Variants in NOL10 observed in about 807,000 individuals in gnomAD.
NOL10 encodes H_NH0074G24.1.
A neutral mutation model predicts 103.5 loss-of-function variants in NOL10; 58 were observed. That is an observed-to-expected ratio of 0.56 (90% CI 0.45 to 0.70). NOL10 has a LOEUF of 0.70. NOL10 is among the 30% of genes least tolerant of loss of function. NOL10 has a pLI of 0.00. For synonymous variants in NOL10, 287 were observed against 282.5 expected (o/e 1.02, Z -0.16); for missense variants, 763 against 807.3 (o/e 0.95, Z 0.67).
chr2:10,678,052 G>A (rs1681452610), intron 3 of NOL10, among the ~76,000 whole-genome samples: 1 of 151,574 alleles, frequency 6.6e-6, no homozygotes, highest in Non-Finnish European at 1.5e-5. Flanking sequence ...TTGTTTTTGG[G>A]GCTTTAATTT....
At chr2:10,604,010 A>C (rs10191883) in intron 14 of NOL10, among the ~76,000 whole-genome samples, 1 of 152,060 alleles carries the variant, frequency 6.6e-6, no homozygotes, top group Admixed American at 6.5e-5. Context: ...AGGGAGGGAC[A>C]GTTTCAGGAC....
chr2:10,689,392 T>C (rs1391482572), intron 1 of NOL10, among the ~76,000 whole-genome samples: 1 of 152,148 alleles, frequency 6.6e-6, no homozygotes, highest in African/African-American at 2.4e-5. Context: ...CCCTAAGACC[T>C]GGCAAATGAT....
chr2:10,607,267 C>G lies in NOL10; in HGVS notation c.1071G>C (p.Leu357Phe), dbSNP rs138352172. ...CTGGATTCTCTTCTAATTCTTCGGT[C>G]AAGTTGTCTAAGAAGGAACACCACC... is the stretch of plus-strand genomic sequence containing the variant. ...APRWCSFLDN[L>F]TEELEENPES... Residue 357 changes from leucine (L) to phenylalanine (F), a missense_variant, in exon 14 of 21, where the codon TTG (leucine) becomes TTC (phenylalanine). By Grantham distance (22) the Leu-to-Phe change is conservative. Coordinates refer to ENST00000381685, the MANE Select transcript of NOL10 (RefSeq NM_024894.4). 1 of 1,608,964 alleles carries G rather than the reference C, an allele frequency of 6.2e-7. No homozygotes were observed. Among genetic ancestry groups the G allele is most frequent in the Non-Finnish European group, 8.5e-7 (1 of 1,177,518 alleles).
chr2:10,632,839 T>A (rs989278188), intron 13 of NOL10, among the ~76,000 whole-genome samples: 18 of 152,134 alleles, frequency 1.2e-4, no homozygotes, highest in Non-Finnish European at 2.4e-4. Context: ...AAATATTATT[T>A]AAAAAAATAA....
intron 3 of NOL10, among the ~76,000 whole-genome samples, chr2:10,680,336 G>GA (rs1681662378): frequency 8.4e-6 from 1 of 119,208 alleles, no homozygotes; most frequent in Admixed American, 1.1e-4. Flanking sequence ...GGGAGAGGGA[G>GA]AAGAGGGAGA....
intron 13 of NOL10, among the ~76,000 whole-genome samples, chr2:10,622,979 T>C (rs1452671140): frequency 6.6e-6 from 1 of 152,068 alleles, no homozygotes; most frequent in African/African-American, 2.4e-5. Context: ...CCCCCACGAA[T>C]CACCGCACTC....
chr2:10,688,350 T>C (rs557976135), intron 1 of NOL10, among the ~76,000 whole-genome samples: 355 of 152,306 alleles, frequency 2.3e-3, no homozygotes, highest in African/African-American at 8.2e-3. Context: ...GGCCTACCTC[T>C]CCAGCCTCAT....
intron 19 of NOL10, among the ~76,000 whole-genome samples, chr2:10,587,214 T>TAC (rs1280515921): frequency 1.7e-5 from 1 of 57,870 alleles, no homozygotes; most frequent in Non-Finnish European, 3.0e-5. Context: ...CACATATATA[T>TAC]ATACATATAT....
chr2:10,671,867 G>A (rs528305232), intron 5 of NOL10, among the ~76,000 whole-genome samples, 177 bp from the exon 6 acceptor site: 40 of 152,128 alleles, frequency 2.6e-4, no homozygotes, highest in Admixed American at 2.2e-3. Context: ...ACACTCCATC[G>A]GCTCCTTAAT....
intron 1 of NOL10, among the ~76,000 whole-genome samples, chr2:10,688,543 T>G (rs1364038072): frequency 2.0e-5 from 3 of 152,366 alleles, no homozygotes; most frequent in South Asian, 2.1e-4. Context: ...TGCTCATATG[T>G]CACCTCTTGT....
chr2:10,609,552 A>G (rs952730593), intron 13 of NOL10, among the ~76,000 whole-genome samples: 1 of 152,070 alleles, frequency 6.6e-6, no homozygotes, highest in Non-Finnish European at 1.5e-5. Flanking sequence ...GTGAGCCAAG[A>G]TCACGCCACT....
At chr2:10,596,253 T>TGGGGGGGGGGGGG (rs1469968902) in intron 17 of NOL10, among the ~76,000 whole-genome samples, 1 of 17,810 alleles carries the variant, frequency 5.6e-5, no homozygotes, top group Non-Finnish European at 8.7e-5. Flanking sequence ...CCACAGATGG[T>TGGGGGGGGGGGGG]GGTGGGGGGC....
intron 19 of NOL10, among the ~76,000 whole-genome samples, chr2:10,580,186 C>T (rs1216274067): frequency 6.6e-6 from 1 of 152,202 alleles, no homozygotes; most frequent in Non-Finnish European, 1.5e-5. Flanking sequence ...AGTGTGACTT[C>T]GGTCAGAGAT....
At chr2:10,679,333 T>G (rs1378659763) in intron 3 of NOL10, among the ~76,000 whole-genome samples, 4 of 143,514 alleles carry the variant, frequency 2.8e-5, no homozygotes, top group Non-Finnish European at 6.0e-5. Context: ...CATTCCAACC[T>G]GGGCAACAAG....
At chr2:10,594,817 C>A (rs530613176) in intron 17 of NOL10, among the ~76,000 whole-genome samples, 17 of 152,012 alleles carry the variant, frequency 1.1e-4, no homozygotes, top group African/African-American at 4.1e-4. Context: ...ACAGTGAGAC[C>A]TCAGCTCTAC....
intron 8 of NOL10, among the ~76,000 whole-genome samples, chr2:10,666,468 A>G (rs143843734): frequency 0.034 from 5,230 of 152,128 alleles, 176 homozygotes; most frequent in African/African-American, 0.084. Flanking sequence ...AGCTGGGATT[A>G]CAGGTGTGTG....
At chr2:10,574,917 C>G (rs942761244) in intron 20 of NOL10, among the ~76,000 whole-genome samples, 1 of 152,208 alleles carries the variant, frequency 6.6e-6, no homozygotes, top group African/African-American at 2.4e-5. Flanking sequence ...TAAGCAGTGA[C>G]TATTGTTCTG....
At chr2:10,626,765 C>T (rs1677497424) in intron 13 of NOL10, among the ~76,000 whole-genome samples, 1 of 99,168 alleles carries the variant, frequency 1.0e-5, no homozygotes. Flanking sequence ...AGGAAGTTGT[C>T]ATTTATTTTC....
intron 12 of NOL10, among the ~76,000 whole-genome samples, chr2:10,652,252 GAAA>G (rs1558323960): frequency 4.0e-5 from 6 of 149,932 alleles, no homozygotes; most frequent in East Asian, 2.0e-4. Flanking sequence ...AAAAAAAAAA[GAAA>G]AAAAAGAAAA....
Sources: gnomAD v4.1 joint callset for allele counts (sites outside exome capture counted in the v4.1 genomes callset) on GRCh38, gnomAD v4.1.1 for gene constraint, MANE v1.5 for transcripts, NCBI Gene and HGNC (gene_info 2026-07-23, HGNC 2026-07-21) for gene names.